The following LUC7L3 variants were observed in gnomAD, a reference collection of about 807,000 sequenced individuals.
LUC7L3 encodes the protein LUC7 like 3 pre-mRNA splicing factor.
A neutral mutation model predicts 66.8 loss-of-function variants in LUC7L3; 6 were observed. The ratio of observed to expected loss-of-function variants is 0.09; its 90% CI spans 0.05 to 0.18. The LOEUF (loss-of-function observed/expected upper bound fraction) is 0.18, where lower values mean the gene tolerates loss of function less well. Ranked by LOEUF, LUC7L3 falls within the 10% of genes least tolerant of loss-of-function variation. The pLI, the probability that LUC7L3 is intolerant of heterozygous loss-of-function variation, is 1.00. For synonymous variants in LUC7L3, 160 were observed against 174.7 expected (o/e 0.92, Z 0.66); for missense variants, 341 against 531.1 (o/e 0.64, Z 3.52).
At chr17:50,724,442 A>T (rs1969020947) in intron 1 of LUC7L3, among the ~76,000 whole-genome samples, 1 of 151,868 alleles carries the variant, frequency 6.6e-6, no homozygotes, top group African/African-American at 2.4e-5. Flanking sequence ...GATCCTTTCA[A>T]CCCAGGAGGC....
Position 50,751,427 on chromosome 17 carries a change from T to G in LUC7L3, c.*766T>G. The G allele has an allele frequency of 3.9e-6, 5 of 1,286,492 alleles. No individual in the cohort carries two copies. The highest frequency in any genetic ancestry group is 5.1e-6 in the Non-Finnish European group (5 of 986,600). 79.7% of individuals were successfully genotyped at this position (1,286,492 alleles called of 1,614,324 possible). A position where few individuals can be genotyped will look rare whatever the true frequency, so the allele number is the denominator to read the frequency against. On this transcript the variant is annotated 3_prime_UTR_variant, in exon 10 of 10. Coordinates refer to ENST00000505658, the MANE Select transcript of LUC7L3 (RefSeq NM_016424.5). ...GTTTGAATGCTATTGCCTGTGATCT[T>G]TACGCTTAACTGTTGTGTATCTTTT...
chr17:50,744,669 T>C lies in LUC7L3; in HGVS notation c.549T>C (p.Ala183=). ...RSTTSTIESF[A]AQEKQMEVCE... Reference sequence around the variant, plus strand: ...CATTTTAGACAATTGAAAGCTTTGCTGCACAAGAAAAACAAATGGAAGTTT... The same window carrying C: ...CATTTTAGACAATTGAAAGCTTTGCCGCACAAGAAAAACAAATGGAAGTTT... Residue 183 remains alanine, a synonymous_variant, in exon 7 of 10, where the codon GCT becomes GCC. Transcript: ENST00000505658. 1 of 1,613,304 alleles carries C rather than the reference T, an allele frequency of 6.2e-7. No individual in the cohort carries two copies. The highest frequency in any genetic ancestry group is 1.1e-5 in the South Asian group (1 of 90,816).
chr17:50,727,948 CA>C (rs5820830), intron 1 of LUC7L3, among the ~76,000 whole-genome samples: 1,924 of 133,980 alleles, frequency 0.014, 41 homozygotes, highest in African/African-American at 0.046. Flanking sequence ...ACTAAAAATA[CA>C]AAAAAAAAAA....
In LUC7L3 at chr17:50,755,549, A is replaced by C. The variant is rs1251264211; in HGVS notation, c.*4888A>C. On this transcript the variant is annotated 3_prime_UTR_variant, in exon 10 of 10. Coordinates refer to ENST00000505658, the MANE Select transcript of LUC7L3 (RefSeq NM_016424.5). Reference sequence around the variant, plus strand: ...AGAATTTTGAATTTACTATTTTAAAAATTCAAGAGTTTTGTAGCTGATCTA... The same window carrying C: ...AGAATTTTGAATTTACTATTTTAAACATTCAAGAGTTTTGTAGCTGATCTA... The C allele has an allele frequency of 1.1e-4, 16 of 152,210 alleles. No individual in the cohort carries two copies. 9.4% of individuals were successfully genotyped at this position (152,210 alleles called of 1,614,324 possible).
intron 9 of LUC7L3, 110 bp downstream of exon 9, chr17:50,746,812 A>G: frequency 1.2e-6 from 1 of 845,536 alleles, no homozygotes; most frequent in African/African-American, 1.7e-5. Flanking sequence ...ACTCCTTTTC[A>G]CTTTGAGGAA....
At chr17:50,744,513 G>C (rs1328129151) in intron 6 of LUC7L3, 139 bp from the exon 7 acceptor site, 2 of 724,650 alleles carry the variant, frequency 2.8e-6, no homozygotes, top group Non-Finnish European at 4.3e-6. Context: ...TTGACCACTT[G>C]TAGTCCAATA....
chr17:50,741,381 A>AT (rs970105692), intron 4 of LUC7L3, 135 bp downstream of exon 4: 43 of 903,750 alleles, frequency 4.8e-5, no homozygotes, highest in Admixed American at 9.6e-5. Flanking sequence ...TAGGGCATTC[A>AT]TTTTTTTTCC....
chr17:50,736,687 C>T, intron 1 of LUC7L3: 1 of 340,210 alleles, frequency 2.9e-6, no homozygotes, highest in Non-Finnish European at 5.3e-6. Context: ...GATGTCTTTC[C>T]CATATTTGTT....
chr17:50,739,458 C>T (rs1360877334), intron 2 of LUC7L3, among the ~76,000 whole-genome samples: 1 of 152,144 alleles, frequency 6.6e-6, no homozygotes, highest in Non-Finnish European at 1.5e-5. Context: ...TCAAGAACAG[C>T]TTGCCCAACA....
chr17:50,729,286 A>G (rs1332265210), intron 1 of LUC7L3, among the ~76,000 whole-genome samples: 1 of 152,230 alleles, frequency 6.6e-6, no homozygotes, highest in African/African-American at 2.4e-5. Context: ...CAACTTGAAC[A>G]TTGTCAGAAG....
intron 1 of LUC7L3, among the ~76,000 whole-genome samples, chr17:50,733,496 T>C (rs908123050): frequency 6.8e-6 from 1 of 148,010 alleles, no homozygotes; most frequent in Non-Finnish European, 1.5e-5. Context: ...CCGCCTCCTG[T>C]GTTCACGCCA....
At chr17:50,744,388 G>A (rs1276933402) in intron 6 of LUC7L3, among the ~76,000 whole-genome samples, 1 of 152,206 alleles carries the variant, frequency 6.6e-6, no homozygotes, top group Non-Finnish European at 1.5e-5. Flanking sequence ...TCTGAAAGGT[G>A]ATTTAAATTT....
intron 5 of LUC7L3, among the ~76,000 whole-genome samples, 169 bp downstream of exon 5, chr17:50,741,900 C>G (rs1272560952): frequency 6.6e-6 from 1 of 151,706 alleles, no homozygotes; most frequent in Admixed American, 6.6e-5. Flanking sequence ...GTCTGGGCAA[C>G]AAAGTGAGAC....
intron 1 of LUC7L3, among the ~76,000 whole-genome samples, chr17:50,731,879 C>T (rs751747391): frequency 3.2e-4 from 49 of 152,080 alleles, no homozygotes; most frequent in Non-Finnish European, 6.8e-4. Context: ...TAATGTGCAG[C>T]GGACAGGTCT....
Position 50,736,785 on chromosome 17 carries a change from G to A in LUC7L3, c.100-175G>A, listed in dbSNP as rs150702091. The A allele has an allele frequency of 2.3e-3, 1,246 of 547,366 alleles. 10 individuals carry two copies. Among genetic ancestry groups the A allele is most frequent in the African/African-American group, 0.02 (1,039 of 51,198 alleles). 33.9% of individuals were successfully genotyped at this position (547,366 alleles called of 1,614,324 possible). Reference sequence around the variant, plus strand: ...AGTACTGCAGATTTATTCTTTTATCGAAATTCAGGAGTCTGAAAATCACTA... The same window carrying A: ...AGTACTGCAGATTTATTCTTTTATCAAAATTCAGGAGTCTGAAAATCACTA... On this transcript the variant is annotated intron_variant, in intron 1 of 9. Transcript: ENST00000505658.
intron 1 of LUC7L3, among the ~76,000 whole-genome samples, chr17:50,728,931 T>G (rs936154961): frequency 5.3e-5 from 8 of 152,078 alleles, no homozygotes; most frequent in Non-Finnish European, 8.8e-5. Context: ...GTATGGCATT[T>G]GAGGTATTCC....
chr17:50,722,636 T>A (rs1968863495), intron 1 of LUC7L3: 1 of 152,224 alleles, frequency 6.6e-6, no homozygotes, highest in Non-Finnish European at 1.5e-5. Flanking sequence ...TACTGTACTT[T>A]TTTCTCCTTT....
chr17:50,738,616 A>G (rs1212097010), intron 2 of LUC7L3, among the ~76,000 whole-genome samples: 2 of 152,232 alleles, frequency 1.3e-5, no homozygotes, highest in African/African-American at 4.8e-5. Flanking sequence ...AACTGAAGAA[A>G]TAGAACTAAA....
At chr17:50,719,903 C>T (rs1968621043) in intron 1 of LUC7L3, 72 bp downstream of exon 1, 3 of 1,419,564 alleles carry the variant, frequency 2.1e-6, no homozygotes, top group East Asian at 2.5e-5. Context: ...TGTGGCCCTC[C>T]TGGCCGCGGC....
Sources: allele counts gnomAD v4.1 joint callset (sites outside exome capture counted in the v4.1 genomes callset), GRCh38; gene constraint gnomAD v4.1.1; transcripts MANE v1.5; gene names NCBI Gene and HGNC (gene_info 2026-07-23, HGNC 2026-07-21).